Variants in EEF2KMT observed in about 807,000 individuals in gnomAD.
EEF2KMT encodes the protein eukaryotic elongation factor 2 lysine methyltransferase.
In EEF2KMT, 30 loss-of-function variants were observed where a neutral mutation model predicts 35.1. That is an observed-to-expected ratio of 0.85 (90% CI 0.64 to 1.16). The LOEUF (loss-of-function observed/expected upper bound fraction) is 1.16, where lower values mean the gene tolerates loss of function less well. Among genes scored for constraint, EEF2KMT ranks in the 50% most tolerant of loss-of-function variants. The pLI is 0.00. For synonymous variants in EEF2KMT, 190 were observed against 187.7 expected (o/e 1.01, Z -0.10); for missense variants, 499 against 438.2 (o/e 1.14, Z -1.24).
At chr16:5,086,969 C>T (rs1436446274) in intron 7 of EEF2KMT, 3 of 152,246 alleles carry the variant, frequency 2.0e-5, no homozygotes, top group African/African-American at 4.8e-5. Flanking sequence ...GCGTGAGACA[C>T]TGTGACCCGG....
At position 5,097,747 on chromosome 16, in the gene EEF2KMT, G is replaced by C; in HGVS notation, c.-8C>G. ...GTTCTCCTCGGGCGCCATGACGTGGGCGGGGCCGCAGCGTTGCCGGCAGAC... is the reference window on the plus strand; with the variant it reads ...GTTCTCCTCGGGCGCCATGACGTGGCCGGGGCCGCAGCGTTGCCGGCAGAC... On this transcript the variant is annotated 5_prime_UTR_variant, in exon 1 of 8. Transcript: ENST00000427587. 1 of 1,554,108 alleles carries C rather than the reference G, an allele frequency of 6.4e-7. No individual in the cohort carries two copies. Among genetic ancestry groups the C allele is most frequent in the South Asian group, 1.2e-5 (1 of 85,162 alleles).
In EEF2KMT at chr16:5,084,584, G is replaced by C; in HGVS notation, c.*1048C>G. Reference sequence around the variant, plus strand: ...TTTCCAGAAACTGTGATGTCAAGTTGGAGGCGGAGTGCTGCTGGGGTGTGA... The same window carrying C: ...TTTCCAGAAACTGTGATGTCAAGTTCGAGGCGGAGTGCTGCTGGGGTGTGA... On this transcript the variant is annotated 3_prime_UTR_variant, in exon 8 of 8. Coordinates refer to ENST00000427587, the MANE Select transcript of EEF2KMT (RefSeq NM_201400.4). 1.9e-6 allele frequency: 2 copies of C among 1,070,836 alleles called. No individual in the cohort carries two copies. Among genetic ancestry groups the C allele is most frequent in the Middle Eastern group, 2.9e-4 (1 of 3,448 alleles). The allele number at this position is 1,070,836 out of a possible 1,614,324, so 66.3% of individuals were successfully genotyped here.
chr16:5,089,231 G>A lies in EEF2KMT; in HGVS notation c.768C>T (p.Ile256=), dbSNP rs1957288032. Residue 256 remains isoleucine (I), a synonymous_variant, in exon 7 of 8, where the codon ATC becomes ATT. Transcript: ENST00000427587. ...AADVLYCPEA[I]MSLVGVLRRL... ...TCCGCAGGACCCCGACCAGCGACAT[G>A]ATGGCTTCTGGGCAATACAGCACAT... The A allele has an allele frequency of 2.5e-6, 4 of 1,606,674 alleles. No homozygotes were observed. The East Asian group carries it at 6.7e-5, about 27-fold the overall frequency.
chr16:5,084,692 A>G lies in EEF2KMT; in HGVS notation c.*940T>C, dbSNP rs1957086075. On this transcript the variant is annotated 3_prime_UTR_variant, in exon 8 of 8. Transcript: ENST00000427587. The stretch of plus-strand genomic sequence containing the variant: ...GGGACCTGGGGTCAGCCAGGTGGTG[A>G]CCTGGGATGGGGTGGGGACAGGCAA... 1.3e-6 allele frequency: 2 copies of G among 1,595,740 alleles called. No individual in the cohort carries two copies. Among genetic ancestry groups the G allele is most frequent in the Admixed American group, 3.3e-5 (2 of 59,884 alleles).
In EEF2KMT at chr16:5,090,130, C is replaced by A. The variant is rs747028657; in HGVS notation, c.696G>T (p.Thr232=). The A allele has an allele frequency of 7.5e-6, 12 of 1,609,446 alleles. No individual in the cohort carries two copies. The highest frequency in any genetic ancestry group is 1.0e-5 in the Non-Finnish European group (12 of 1,179,838). ...GCTGGAAGGCAGAGAGCTGATGGAC[C>A]GTCGCGACGTCCCAGTCCAGCTGGG... is the stretch of plus-strand genomic sequence containing the variant. The part of the protein sequence containing the change: ...TVAQLDWDVA[T]VHQLSAFQPD... The change falls in exon 6 of 8, where the codon ACG becomes ACT. Residue 232 remains threonine, a synonymous_variant. Coordinates refer to ENST00000427587, the MANE Select transcript of EEF2KMT (RefSeq NM_201400.4). This position sits in a 1 kb window ranked among gnomAD's most constrained non-coding sequence, Gnocchi z 4.1.
At chr16:5,089,452 G>A in intron 6 of EEF2KMT, 196 bp from the exon 7 acceptor site, 1 of 783,648 alleles carries the variant, frequency 1.3e-6, no homozygotes, top group Non-Finnish European at 2.0e-6. Flanking sequence ...AGCTGCAAAA[G>A]ACCGAAGCAA....
intron 1 of EEF2KMT, among the ~76,000 whole-genome samples, chr16:5,095,985 A>G (rs1018973733): frequency 1.2e-4 from 18 of 152,220 alleles, no homozygotes; most frequent in African/African-American, 4.1e-4. Context: ...TCATTGCTTC[A>G]GAGCTCCCTC....
chr16:5,096,820 G>C (rs906277046), intron 1 of EEF2KMT, among the ~76,000 whole-genome samples: 1 of 152,238 alleles, frequency 6.6e-6, no homozygotes, highest in African/African-American at 2.4e-5. Context: ...AGTCAATACT[G>C]AATGGAGACC....
chr16:5,090,587 GAGTC>G lies in EEF2KMT; in HGVS notation c.343-26_343-23del. 1.2e-6 allele frequency: 2 copies of G among 1,611,950 alleles called. No homozygotes were observed. Among genetic ancestry groups the G allele is most frequent in the East Asian group, 4.5e-5 (2 of 44,866 alleles). On this transcript the variant is annotated intron_variant, in intron 4 of 7. Transcript: ENST00000427587. The surrounding 1 kb of genome is among the most constrained non-coding windows in gnomAD (Gnocchi z 4.1). ...AGGGCTGCACCAAGAGAAGGCGAGA[GAGTC>G]AGTCCAGCGATCAGAAGGCAAGTGG...
At position 5,084,817 on chromosome 16, in the gene EEF2KMT, C is replaced by T. The variant is rs397839861; in HGVS notation, c.*815G>A. 3.4e-5 allele frequency: 54 copies of T among 1,596,326 alleles called. No homozygotes were observed. The highest frequency in any genetic ancestry group is 3.3e-5 in the Admixed American group (2 of 59,988). ...CAGTTCCGGAAGAACCTGCGGGAGTCGCAGCAGCTCCGATGGGATGAGAGC... is the reference window on the plus strand; with the variant it reads ...CAGTTCCGGAAGAACCTGCGGGAGTTGCAGCAGCTCCGATGGGATGAGAGC... On this transcript the variant is annotated 3_prime_UTR_variant, in exon 8 of 8. Transcript: ENST00000427587.
intron 3 of EEF2KMT, 78 bp from the exon 4 acceptor site, chr16:5,091,973 G>A (rs1452211216): frequency 6.3e-7 from 1 of 1,594,192 alleles, no homozygotes; most frequent in African/African-American, 1.3e-5. Context: ...CACCAAGTTT[G>A]GAGGGGAGAT....
chr16:5,097,079 G>A (rs1957485749), intron 1 of EEF2KMT, among the ~76,000 whole-genome samples: 1 of 152,226 alleles, frequency 6.6e-6, no homozygotes, highest in South Asian at 2.1e-4. Flanking sequence ...AAGGGAGGCT[G>A]CTGCCTGCCA....
At chr16:5,087,953 CTT>C (rs1957244642) in intron 7 of EEF2KMT, among the ~76,000 whole-genome samples, 1 of 64,522 alleles carries the variant, frequency 1.5e-5, no homozygotes, top group Non-Finnish European at 3.3e-5. Flanking sequence ...TATTTCTTTG[CTT>C]TTTTGAGACA....
At chr16:5,093,715 A>T (rs1957394540) in intron 2 of EEF2KMT, 151 bp from the exon 3 acceptor site, 1 of 1,486,886 alleles carries the variant, frequency 6.7e-7, no homozygotes, top group South Asian at 1.4e-5. Flanking sequence ...ATGCATCTGA[A>T]GTTTGTCTTA....
At position 5,090,539 on chromosome 16, in the gene EEF2KMT, G is replaced by C. The variant is rs145949105; in HGVS notation, c.369C>G (p.Ser123=). Residue 123 remains serine, a synonymous_variant, in exon 5 of 8, where the codon TCC becomes TCG. Transcript: ENST00000427587. This position sits in a 1 kb window ranked among gnomAD's most constrained non-coding sequence, Gnocchi z 4.1. ...LLPSGGSVTL[S]ESTAIISYGT... ...CGTAGGAGATGATGGCCGTGCTCTCGGAGAGTGTGACCGAGCCTCCCGAGG... is the reference window on the plus strand; with the variant it reads ...CGTAGGAGATGATGGCCGTGCTCTCCGAGAGTGTGACCGAGCCTCCCGAGG... 2.6e-5 allele frequency: 42 copies of C among 1,611,436 alleles called. No individual in the cohort carries two copies. The South Asian group carries it at 4.4e-4, about 17-fold the overall frequency.
rs2142734229 is a variant in EEF2KMT at position 5,085,080 on chromosome 16, T to C, written c.*552A>G. On this transcript the variant is annotated 3_prime_UTR_variant, in exon 8 of 8. Coordinates refer to ENST00000427587, the MANE Select transcript of EEF2KMT (RefSeq NM_201400.4). ...GGCCTTGATTTCTTCTCTGGAGGCTTGGAAACGCTTCCTCTCTTCTTCTGT... is the reference window on the plus strand; with the variant it reads ...GGCCTTGATTTCTTCTCTGGAGGCTCGGAAACGCTTCCTCTCTTCTTCTGT... 1.1e-6 allele frequency: 1 copy of C among 930,344 alleles called. No individual in the cohort carries two copies. The highest frequency in any genetic ancestry group is 1.6e-6 in the Non-Finnish European group (1 of 623,376). The allele number at this position is 930,344 out of a possible 1,614,324, so 57.6% of individuals were successfully genotyped here.
intron 3 of EEF2KMT, among the ~76,000 whole-genome samples, chr16:5,092,700 T>C (rs1422187986): frequency 2.0e-5 from 3 of 152,210 alleles, no homozygotes; most frequent in East Asian, 1.9e-4. Flanking sequence ...CGGTGGCTCA[T>C]GCCTGTAATC....
chr16:5,090,093 T>C lies in EEF2KMT; in HGVS notation c.733A>G (p.Ile245Val), dbSNP rs1393440388. 4 of 1,605,494 alleles carry C rather than the reference T, an allele frequency of 2.5e-6. No homozygotes were observed. Among genetic ancestry groups the C allele is most frequent in the Non-Finnish European group, 2.5e-6 (3 of 1,179,820 alleles). ...QLSAFQPDVVIAADVLYCPEA... is the reference protein window; with the variant it reads ...QLSAFQPDVVVAADVLYCPEA... ...CGGGGCTGGGCATTACCTGCTGCAATGACAACATCTGGCTGGAAGGCAGAG... is the reference window on the plus strand; with the variant it reads ...CGGGGCTGGGCATTACCTGCTGCAACGACAACATCTGGCTGGAAGGCAGAG... The change falls in exon 6 of 8, where the codon ATT becomes GTT. Residue 245 changes from isoleucine to valine, a missense_variant. Transcript: ENST00000427587. This position sits in a 1 kb window ranked among gnomAD's most constrained non-coding sequence, Gnocchi z 4.1.
chr16:5,093,261 C>T (rs7202044), intron 3 of EEF2KMT, among the ~76,000 whole-genome samples: 44,123 of 151,952 alleles, frequency 0.29, 6,972 homozygotes, highest in East Asian at 0.43. Context: ...GAGCAGCTGC[C>T]GTGGAAACCC....
Sources: allele counts gnomAD v4.1 joint callset (sites outside exome capture counted in the v4.1 genomes callset), GRCh38; gene constraint gnomAD v4.1.1; non-coding constraint Gnocchi (gnomAD v3.1); transcripts MANE v1.5; gene names NCBI Gene and HGNC (gene_info 2026-07-23, HGNC 2026-07-21).